Variants in GALNT18 observed in about 807,000 individuals in gnomAD.
GALNT18 encodes GalNAc-transferase 18.
In GALNT18, 44 loss-of-function variants were observed where a neutral mutation model predicts 69.5. The ratio of observed to expected loss-of-function variants is 0.63; its 90% confidence interval spans 0.50 to 0.81. The LOEUF is 0.81. GALNT18 is among the 40% of genes least tolerant of loss of function. The pLI is 0.00. For missense variants in GALNT18, 715 were observed against 810.0 expected (o/e 0.88, Z 1.42); for synonymous variants, 364 against 318.2 (o/e 1.14, Z -1.53).
At chr11:11,346,845 T>A (rs1401290419) in intron 6 of GALNT18, among the ~76,000 whole-genome samples, 1 of 152,014 alleles carries the variant, frequency 6.6e-6, no homozygotes, top group Non-Finnish European at 1.5e-5. Flanking sequence ...CAAGAAAGCA[T>A]GGAGGTCTTA....
chr11:11,295,125 G>A (rs922999648), intron 9 of GALNT18, among the ~76,000 whole-genome samples: 1 of 152,240 alleles, frequency 6.6e-6, no homozygotes, highest in Non-Finnish European at 1.5e-5. Flanking sequence ...CAGTGCAGGT[G>A]AGGAGGGTGA....
chr11:11,597,663 CTTTT>C (rs1438591992), intron 1 of GALNT18, among the ~76,000 whole-genome samples: 1 of 137,536 alleles, frequency 7.3e-6, no homozygotes. Context: ...TTTGAGTATT[CTTTT>C]TTTTTTTTTT....
intron 3 of GALNT18, among the ~76,000 whole-genome samples, chr11:11,419,627 G>GAAAT: frequency 8.0e-6 from 1 of 124,620 alleles, no homozygotes; most frequent in African/African-American, 3.0e-5. Flanking sequence ...AAAAAAGAAA[G>GAAAT]AAGGAAAAGA....
chr11:11,290,041 T>A (rs977487554), intron 10 of GALNT18, among the ~76,000 whole-genome samples: 6 of 152,134 alleles, frequency 3.9e-5, no homozygotes, highest in Non-Finnish European at 8.8e-5. Flanking sequence ...GGCTGTGGCC[T>A]CCAGGGGCTA....
In GALNT18 at chr11:11,500,061, G is replaced by C. The variant is rs1391728559; in HGVS notation, c.236-51125C>G. ...GAGAAAGGGAGCAAAATCAAAAAGA[G>C]AGGCCAAGCATTGTTGAAACATGGC... is the stretch of plus-strand genomic sequence containing the variant. On this transcript the variant is annotated intron_variant, in intron 1 of 10. Transcript: ENST00000227756. The surrounding 1 kb of genome is among the most constrained non-coding windows in gnomAD (Gnocchi z 5.0). Among the ~76,000 whole-genome samples, 1 of 152,240 alleles carries C rather than the reference G, an allele frequency of 6.6e-6. No homozygotes were observed. The highest frequency in any genetic ancestry group is 1.5e-5 in the Non-Finnish European group (1 of 68,044).
intron 8 of GALNT18, among the ~76,000 whole-genome samples, chr11:11,328,638 C>T (rs1349822652): frequency 6.6e-6 from 1 of 152,154 alleles, no homozygotes. Context: ...ACTTGCAGTT[C>T]AGGGATTCTG....
At chr11:11,395,286 C>T (rs975861653) in intron 3 of GALNT18, among the ~76,000 whole-genome samples, 2 of 152,146 alleles carry the variant, frequency 1.3e-5, no homozygotes, top group Non-Finnish European at 2.9e-5. Context: ...ATGAAGTGAT[C>T]GTGTCCAACC....
rs189844162 is a variant in GALNT18, at chr11:11,463,602, C to T, written c.236-14666G>A. 6.6e-6 allele frequency among the ~76,000 whole-genome samples: 1 copy of T among 152,092 alleles called. No individual in the cohort carries two copies. The highest frequency in any genetic ancestry group is 1.5e-5 in the Non-Finnish European group (1 of 68,032). On this transcript the variant is annotated intron_variant, in intron 1 of 10. Transcript: ENST00000227756. This position sits in a 1 kb window ranked among gnomAD's most constrained non-coding sequence, Gnocchi z 4.2. ...ACGTCTTTTCATTACTGTCCTAAGT[C>T]GTAAATCTCTCACCCCCAGCAGTCA...
At chr11:11,610,867 T>C (rs1048258382) in intron 1 of GALNT18, among the ~76,000 whole-genome samples, 1 of 152,182 alleles carries the variant, frequency 6.6e-6, no homozygotes, top group African/African-American at 2.4e-5. Flanking sequence ...CAGCTCCTTC[T>C]CTCCCATCAG....
chr11:11,390,507 T>C (rs2133713827), intron 3 of GALNT18, among the ~76,000 whole-genome samples: 1 of 152,262 alleles, frequency 6.6e-6, no homozygotes, highest in South Asian at 2.1e-4. Context: ...GGGGAAGAGT[T>C]AAGGCTCCCA....
chr11:11,572,138 T>C (rs1386195329), intron 1 of GALNT18, among the ~76,000 whole-genome samples: 2 of 152,222 alleles, frequency 1.3e-5, no homozygotes, highest in African/African-American at 4.8e-5. Context: ...GGCGTGGGCA[T>C]CATCGAGTAG....
intron 1 of GALNT18, among the ~76,000 whole-genome samples, chr11:11,552,246 C>T (rs1157124242): frequency 2.6e-5 from 4 of 152,328 alleles, no homozygotes; most frequent in South Asian, 2.1e-4. Flanking sequence ...TTGTGGTCAC[C>T]CACCCCTCAC....
chr11:11,539,760 A>C (rs896383149), intron 1 of GALNT18, among the ~76,000 whole-genome samples: 1 of 152,200 alleles, frequency 6.6e-6, no homozygotes, highest in Non-Finnish European at 1.5e-5. Flanking sequence ...ACTGGAAAAA[A>C]GGCTGTGGCT....
intron 3 of GALNT18, among the ~76,000 whole-genome samples, chr11:11,385,538 G>A (rs1242056069): frequency 1.3e-5 from 2 of 152,038 alleles, no homozygotes; most frequent in Non-Finnish European, 1.5e-5. Context: ...CTTGTGATCT[G>A]CCCGCCTCGG....
Position 11,329,941 on chromosome 11 carries a change from A to G in GALNT18, c.1416+2753T>C, listed in dbSNP as rs557507662. Among the ~76,000 whole-genome samples, 11 of 58,116 alleles carry G rather than the reference A, an allele frequency of 1.9e-4. No homozygotes were observed. The South Asian group carries it at 9.0e-3, about 48-fold the overall frequency. The allele number at this position is 58,116 out of a possible 152,430, so 38.1% of individuals were successfully genotyped here. A position where few individuals can be genotyped will look rare whatever the true frequency, so the allele number is the denominator to read the frequency against. On this transcript the variant is annotated intron_variant, in intron 8 of 10. Coordinates refer to ENST00000227756, the MANE Select transcript of GALNT18 (RefSeq NM_198516.3). The stretch of plus-strand genomic sequence containing the variant: ...TACTGTGACCACTAAGGTTTTGCAC[A>G]TTGTCAAGTTTACATAGCCTAGCCA...
intron 8 of GALNT18, 28 bp from the exon 9 acceptor site, chr11:11,327,209 C>T (rs1849938266): frequency 6.7e-7 from 1 of 1,483,372 alleles, no homozygotes; most frequent in Non-Finnish European, 9.4e-7. Flanking sequence ...GATGGCCACA[C>T]CAAAGAGAGA....
chr11:11,520,190 C>G (rs1857364503), intron 1 of GALNT18, among the ~76,000 whole-genome samples: 1 of 152,246 alleles, frequency 6.6e-6, no homozygotes, highest in Non-Finnish European at 1.5e-5. Flanking sequence ...GAAGGCTTTA[C>G]AGAGATTTCC....
At position 11,389,906 on chromosome 11, in the gene GALNT18, G is replaced by A. The variant is rs534387425; in HGVS notation, c.596-10642C>T. On this transcript the variant is annotated intron_variant, in intron 3 of 10. Coordinates refer to ENST00000227756, the MANE Select transcript of GALNT18 (RefSeq NM_198516.3). The surrounding 1 kb of genome is among the most constrained non-coding windows in gnomAD (Gnocchi z 4.3). ...GCCAGAGGCCAACTTGAATTTTGGTGCTGGCTTCTCCTTTTTTGCAAGGCT... is the reference window on the plus strand; with the variant it reads ...GCCAGAGGCCAACTTGAATTTTGGTACTGGCTTCTCCTTTTTTGCAAGGCT... Among the ~76,000 whole-genome samples, 2 of 152,112 alleles carry A rather than the reference G, an allele frequency of 1.3e-5. No homozygotes were observed. Among genetic ancestry groups the A allele is most frequent in the Non-Finnish European group, 2.9e-5 (2 of 68,012 alleles).
chr11:11,292,362 A>G (rs1211061710), intron 10 of GALNT18, among the ~76,000 whole-genome samples: 3 of 152,134 alleles, frequency 2.0e-5, no homozygotes, highest in African/African-American at 7.2e-5. Context: ...AACATTCTAT[A>G]ATGGGAGCTA....
Sources: gnomAD v4.1 joint callset for allele counts (sites outside exome capture counted in the v4.1 genomes callset) on GRCh38, gnomAD v4.1.1 for gene constraint, Gnocchi (gnomAD v3.1) non-coding constraint, MANE v1.5 for transcripts, NCBI Gene and HGNC (gene_info 2026-07-23, HGNC 2026-07-21) for gene names.